The following DEFB134 variants were observed in gnomAD, a reference collection of about 807,000 sequenced individuals.
The protein encoded by DEFB134 is beta-defensin 134.
Under a neutral mutation model 7.4 loss-of-function variants are expected in DEFB134, and 7 were observed. The observed-to-expected ratio is 0.95, with a 90% confidence interval of 0.54 to 1.79. DEFB134 has a LOEUF of 1.79. DEFB134 is among the 40% of genes most tolerant of loss of function. The pLI is 0.00. For synonymous variants in DEFB134, 33 were observed against 25.0 expected (o/e 1.32, Z -0.96); for missense variants, 105 against 74.8 (o/e 1.40, Z -1.49).
At chr8:11,995,971 G>GAAAAAAAAAAAAAAAAAAAAAAA (rs1554452517) in intron 1 of DEFB134, among the ~76,000 whole-genome samples, 2 of 131,410 alleles carry the variant, frequency 1.5e-5, no homozygotes, top group African/African-American at 7.1e-5. Context: ...AAAAAAAAAG[G>GAAAAAAAAAAAAAAAAAAAAAAA]AAACTAAGGC....
At chr8:11,996,519 C>T (rs1800127990), upstream of DEFB134, among the ~76,000 whole-genome samples, 1 of 152,310 alleles carries the variant, frequency 6.6e-6, no homozygotes, top group South Asian at 2.1e-4. Flanking sequence ...TCCAAAAGTA[C>T]ATGGAGGCCT....
At chr8:11,994,995 T>G (rs1800079660) in intron 1 of DEFB134, among the ~76,000 whole-genome samples, 1 of 152,188 alleles carries the variant, frequency 6.6e-6, no homozygotes, top group South Asian at 2.1e-4. Context: ...TGTAGAAATT[T>G]TGAGCAAACA....
upstream of DEFB134, among the ~76,000 whole-genome samples, chr8:12,000,268 A>G (rs1157537107): frequency 1.3e-5 from 2 of 152,080 alleles, no homozygotes; most frequent in Non-Finnish European, 2.9e-5. Context: ...AATTGTTACT[A>G]TATCAATTAT....
exon 2 of DEFB134, chr8:11,993,961 C>T (rs1485964548): frequency 6.2e-7 from 1 of 1,609,110 alleles, no homozygotes; most frequent in East Asian, 2.2e-5. Context: ...GGATAGTGGC[C>T]ATTCATTGGT....
At chr8:11,993,873 G>A in exon 2 of DEFB134, 1 of 1,454,554 alleles carries the variant, frequency 6.9e-7, no homozygotes, top group Admixed American at 2.2e-5. Flanking sequence ...AAAACCAGTA[G>A]TCATGGACAC....
At chr8:11,996,433 G>A (rs1483838173), upstream of DEFB134, 3 of 478,566 alleles carry the variant, frequency 6.3e-6, no homozygotes, top group Admixed American at 3.8e-5. Flanking sequence ...GCTCATCTGA[G>A]GAAAAAAAAT....
At chr8:11,999,755 G>C (rs1304254998), upstream of DEFB134, among the ~76,000 whole-genome samples, 1 of 152,186 alleles carries the variant, frequency 6.6e-6, no homozygotes, top group Non-Finnish European at 1.5e-5. Flanking sequence ...TAGGTGCCAC[G>C]AGTTGGGAGC....
At chr8:11,995,632 A>T (rs1246965400) in intron 1 of DEFB134, among the ~76,000 whole-genome samples, 2 of 152,220 alleles carry the variant, frequency 1.3e-5, no homozygotes, top group African/African-American at 4.8e-5. Context: ...CTGTTTCCTC[A>T]TGTAACTAAT....
chr8:11,998,173 G>T (rs1162611177), upstream of DEFB134, among the ~76,000 whole-genome samples: 1 of 152,140 alleles, frequency 6.6e-6, no homozygotes, highest in Non-Finnish European at 1.5e-5. Context: ...ACTGGGCCAG[G>T]TGCAGTGGCT....
intron 1 of DEFB134, among the ~76,000 whole-genome samples, chr8:11,995,486 G>C (rs116530591): frequency 0.028 from 4,244 of 152,242 alleles, 203 homozygotes; most frequent in African/African-American, 0.097. Flanking sequence ...GCTAAAGTCG[G>C]AAAGGATATG....
At chr8:11,994,063 G>C (rs775784522) in exon 2 of DEFB134, 2 of 1,613,840 alleles carry the variant, frequency 1.2e-6, no homozygotes, top group Admixed American at 3.3e-5. Context: ...TAGCATTCAA[G>C]TCTGCAGATG....
chr8:11,998,866 C>G (rs565355392), upstream of DEFB134, among the ~76,000 whole-genome samples: 3 of 152,140 alleles, frequency 2.0e-5, no homozygotes, highest in Non-Finnish European at 2.9e-5. Flanking sequence ...ACCACTGACC[C>G]CAAAGAAATG....
chr8:11,994,423 G>A (rs907408214), intron 1 of DEFB134, among the ~76,000 whole-genome samples: 3 of 152,176 alleles, frequency 2.0e-5, no homozygotes, highest in Non-Finnish European at 4.4e-5. Flanking sequence ...TAATCCAATA[G>A]GATTGATGGT....
upstream of DEFB134, among the ~76,000 whole-genome samples, chr8:12,000,618 T>G (rs1800245265): frequency 6.6e-6 from 1 of 152,110 alleles, no homozygotes; most frequent in African/African-American, 2.4e-5. Context: ...TAACAATAAC[T>G]AATAATAAAA....
chr8:11,997,862 C>T (rs1010899766), upstream of DEFB134, among the ~76,000 whole-genome samples: 1 of 152,148 alleles, frequency 6.6e-6, no homozygotes, highest in Admixed American at 6.5e-5. Flanking sequence ...AACACTTGAC[C>T]AAATGGACTT....
upstream of DEFB134, among the ~76,000 whole-genome samples, chr8:11,996,987 G>A (rs1001349391): frequency 2.6e-5 from 4 of 152,074 alleles, no homozygotes; most frequent in Admixed American, 6.6e-5. Context: ...ATATCTATAC[G>A]TTTGTGAGAC....
At chr8:11,995,971 G>GAAAAAAAAAAAAAAAAAAA (rs1554452517) in intron 1 of DEFB134, among the ~76,000 whole-genome samples, 1 of 131,416 alleles carries the variant, frequency 7.6e-6, no homozygotes, top group African/African-American at 3.5e-5. Flanking sequence ...AAAAAAAAAG[G>GAAAAAAAAAAAAAAAAAAA]AAACTAAGGC....
upstream of DEFB134, among the ~76,000 whole-genome samples, chr8:12,000,009 C>T (rs887266460): frequency 3.3e-5 from 5 of 152,212 alleles, 1 homozygote; most frequent in South Asian, 8.3e-4. Flanking sequence ...TTCTCATCTT[C>T]CTGATCTGTG....
upstream of DEFB134, chr8:11,999,314 C>G: frequency 4.5e-6 from 1 of 221,186 alleles, no homozygotes; most frequent in Admixed American, 4.2e-5. Flanking sequence ...AAAAAAAGAC[C>G]TGGAAACCTC....
Sources: gnomAD v4.1 joint callset for allele counts (sites outside exome capture counted in the v4.1 genomes callset) on GRCh38, gnomAD v4.1.1 for gene constraint, MANE v1.5 for transcripts, NCBI Gene and HGNC (gene_info 2026-07-23, HGNC 2026-07-21) for gene names.